OXR1: variants seen among roughly 807,000 people sequenced by gnomAD.
OXR1 encodes oxidation resistance 1, also known as oxidation resistance protein 1.
Under a neutral mutation model 104.6 loss-of-function variants are expected in OXR1, and 41 were observed. The ratio of observed to expected loss-of-function variants is 0.39; its 90% confidence interval spans 0.31 to 0.51. The LOEUF is 0.51. Among genes scored for constraint, OXR1 ranks in the 20% least tolerant of loss-of-function variants. The pLI, the probability that OXR1 is intolerant of heterozygous loss-of-function variation, is 0.77. For synonymous variants in OXR1, 348 were observed against 348.4 expected, an observed-to-expected ratio of 1.00 and a Z score of 0.01; for missense variants, 955 against 1,031.9, an observed-to-expected ratio of 0.93 and a Z score of 1.02.
chr8:106,342,176 C>T (rs145225340), intron 1 of OXR1, among the ~76,000 whole-genome samples: 4 of 151,986 alleles, frequency 2.6e-5, no homozygotes, highest in East Asian at 1.9e-4. Context: ...AACCTGACCC[C>T]GTCTATATCC....
At position 106,742,279 on chromosome 8, in the gene OXR1, G is replaced by A. The variant is rs747546137; in HGVS notation, c.2374G>A (p.Gly792Arg). The stretch of plus-strand genomic sequence containing the variant: ...AGTGAGTGATGGCTTTTATGGTACT[G>A]GAGAGACCTTTGTTTTTACATTCTG... ...LKVSDGFYGT[G>R]ETFVFTFCPE... The change falls in exon 15 of 17, where the codon GGA (glycine) becomes AGA (arginine). Residue 792 changes from glycine (G) to arginine (R), a missense_variant. Around this residue, in one of 2 missense-constraint regions of OXR1, gnomAD observed 106 missense variants for 179.0 expected, o/e 0.59. Coordinates refer to ENST00000517566, the MANE Select transcript of OXR1 (RefSeq NM_001198533.2). The A allele has an allele frequency of 6.2e-7, 1 of 1,610,944 alleles. No individual in the cohort carries two copies. The highest frequency in any genetic ancestry group is 8.5e-7 in the Non-Finnish European group (1 of 1,177,532).
Position 106,494,723 on chromosome 8 carries a change from A to G in OXR1, c.24-24220A>G, listed in dbSNP as rs143970151. On this transcript the variant is annotated intron_variant, in intron 2 of 16. Coordinates refer to ENST00000517566, the MANE Select transcript of OXR1 (RefSeq NM_001198533.2). ...ATGTAAAGTCCAGTTCAGTAGGTGT[A>G]GAATGGGACCTGAGACTGCACTTCT... Among the ~76,000 whole-genome samples, 390 of 152,350 alleles carry G rather than the reference A, an allele frequency of 2.6e-3. 4 individuals are homozygous for G. Among genetic ancestry groups the G allele is most frequent in the African/African-American group, 8.7e-3 (363 of 41,582 alleles).
intron 1 of OXR1, among the ~76,000 whole-genome samples, chr8:106,288,306 G>A (rs1812583286): frequency 6.6e-6 from 1 of 152,120 alleles, no homozygotes; most frequent in African/African-American, 2.4e-5. Flanking sequence ...CCGACAGCCT[G>A]AGCATTCTGT....
chr8:106,702,205 C>A (rs548453608), intron 7 of OXR1, among the ~76,000 whole-genome samples: 1 of 152,246 alleles, frequency 6.6e-6, no homozygotes, highest in East Asian at 1.9e-4. Flanking sequence ...AGTGATCCAC[C>A]CACTTTGGCC....
At chr8:106,517,341 T>C (rs969829162) in intron 2 of OXR1, among the ~76,000 whole-genome samples, 1 of 152,180 alleles carries the variant, frequency 6.6e-6, no homozygotes, top group Non-Finnish European at 1.5e-5. Context: ...ATGAAAATCA[T>C]TCATGTTGCT....
intron 1 of OXR1, among the ~76,000 whole-genome samples, chr8:106,339,519 A>AATATATAT (rs756741127): frequency 0.016 from 528 of 32,996 alleles, 10 homozygotes; most frequent in East Asian, 0.033. Context: ...AAAAAAAAAA[A>AATATATAT]ATATATATAT....
At chr8:106,629,047 G>C (rs573115452) in intron 3 of OXR1, among the ~76,000 whole-genome samples, 4 of 152,220 alleles carry the variant, frequency 2.6e-5, no homozygotes, top group East Asian at 3.9e-4. Context: ...GAGTAAGAGA[G>C]AATGAAGAAA....
intron 14 of OXR1, among the ~76,000 whole-genome samples, chr8:106,741,740 G>A (rs12681427): frequency 0.081 from 12,380 of 152,036 alleles, 709 homozygotes; most frequent in East Asian, 0.2. Context: ...CATGCACAGG[G>A]TTAAAGGACA....
intron 3 of OXR1, among the ~76,000 whole-genome samples, chr8:106,574,658 C>A (rs1817699765): frequency 6.6e-6 from 1 of 152,220 alleles, no homozygotes. Context: ...TATGCCCCAT[C>A]CACCAAAGCT....
At chr8:106,334,724 A>G (rs929620126) in intron 1 of OXR1, among the ~76,000 whole-genome samples, 1 of 152,186 alleles carries the variant, frequency 6.6e-6, no homozygotes, top group East Asian at 1.9e-4. Context: ...TTCTCCTGCC[A>G]TTCTTGATTT....
At chr8:106,456,549 A>G (rs1194123434) in intron 2 of OXR1, among the ~76,000 whole-genome samples, 1 of 152,194 alleles carries the variant, frequency 6.6e-6, no homozygotes, top group Non-Finnish European at 1.5e-5. Context: ...AATGCCATCA[A>G]TGTAATTTGA....
At chr8:106,618,833 G>A (rs1821451654) in intron 3 of OXR1, among the ~76,000 whole-genome samples, 1 of 151,514 alleles carries the variant, frequency 6.6e-6, no homozygotes, top group Non-Finnish European at 1.5e-5. Flanking sequence ...CATTCTCTAG[G>A]CTCCAGAAAA....
chr8:106,463,782 C>G (rs1197699535), intron 2 of OXR1, among the ~76,000 whole-genome samples: 1 of 152,084 alleles, frequency 6.6e-6, no homozygotes, highest in Non-Finnish European at 1.5e-5. Flanking sequence ...TATTGTTACT[C>G]ATATAAAGTG....
chr8:106,525,443 A>G (rs1378305534), intron 3 of OXR1, among the ~76,000 whole-genome samples: 1 of 152,314 alleles, frequency 6.6e-6, no homozygotes, highest in African/African-American at 2.4e-5. Context: ...TTTACCCCTC[A>G]CCATAAGTAT....
At chr8:106,318,550 G>A (rs1814076870) in intron 1 of OXR1, among the ~76,000 whole-genome samples, 2 of 152,254 alleles carry the variant, frequency 1.3e-5, no homozygotes, top group African/African-American at 4.8e-5. Context: ...ATAGATTTCA[G>A]TCTTCTTTGA....
chr8:106,700,691 A>G (rs1046073676), intron 7 of OXR1, among the ~76,000 whole-genome samples: 11 of 152,220 alleles, frequency 7.2e-5, no homozygotes, highest in Non-Finnish European at 2.9e-5. Context: ...TAAAAGCATT[A>G]TCAGTATACT....
rs987578395 is a variant in OXR1 at position 106,597,759 on chromosome 8, G to A, written c.220+78620G>A. On this transcript the variant is annotated intron_variant, in intron 3 of 16. Coordinates refer to ENST00000517566, the MANE Select transcript of OXR1 (RefSeq NM_001198533.2). ...CTTAAGCGATCCCACATTGCCCCTCGGATTCCCCATTCCCCAGATCTCTGA... is the reference window on the plus strand; with the variant it reads ...CTTAAGCGATCCCACATTGCCCCTCAGATTCCCCATTCCCCAGATCTCTGA... 2.0e-5 allele frequency among the ~76,000 whole-genome samples: 3 copies of A among 151,946 alleles called. No individual in the cohort carries two copies. In the East Asian group the frequency reaches 5.8e-4, roughly 29 times the overall value.
In OXR1 at chr8:106,626,086, T is replaced by C. The variant is rs1415160368; in HGVS notation, c.221-53124T>C. ...TGTGTGTGTCTTATAGCATAAGTTC[T>C]TACAAGAAAAAAGACAATTTTCTTA... is the stretch of plus-strand genomic sequence containing the variant. On this transcript the variant is annotated intron_variant, in intron 3 of 16. Coordinates refer to ENST00000517566, the MANE Select transcript of OXR1 (RefSeq NM_001198533.2). Among the ~76,000 whole-genome samples, 3 of 151,256 alleles carry C rather than the reference T, an allele frequency of 2.0e-5. No individual in the cohort carries two copies. The East Asian group carries it at 5.8e-4, about 29-fold the overall frequency.
chr8:106,286,983 C>T (rs1812527208), intron 1 of OXR1, among the ~76,000 whole-genome samples: 1 of 152,152 alleles, frequency 6.6e-6, no homozygotes, highest in South Asian at 2.1e-4. Context: ...AGGAGTCAGT[C>T]ATTTCGGATG....
Sources: gnomAD v4.1 joint callset for allele counts (sites outside exome capture counted in the v4.1 genomes callset) on GRCh38, gnomAD v4.1.1 for gene constraint, gnomAD v4.1.1 regional missense constraint, MANE v1.5 for transcripts, NCBI Gene and HGNC (gene_info 2026-07-23, HGNC 2026-07-21) for gene names.